SPATA31G1: variants seen among roughly 807,000 people sequenced by gnomAD.
SPATA31G1 encodes the protein SPATA31 subfamily G member 1.
the SPATA31G1 span, chr9:35,045,603 T>C: frequency 6.2e-7 from 1 of 1,613,928 alleles, no homozygotes; most frequent in Non-Finnish European, 8.5e-7. Flanking sequence ...TCCCCAAAGG[T>C]CTCAACACAG....
At chr9:35,044,791 T>C in the SPATA31G1 span, 1 of 1,614,194 alleles carries the variant, frequency 6.2e-7, no homozygotes, top group Non-Finnish European at 8.5e-7. Flanking sequence ...CCCAGCCCTC[T>C]GGCAGTGGAT....
chr9:35,045,776 T>C, the SPATA31G1 span: 1 of 1,614,186 alleles, frequency 6.2e-7, no homozygotes. Context: ...TCTCCTTCCC[T>C]ACCCTCAAGG....
At chr9:35,043,753 G>C in the SPATA31G1 span, 1 of 1,614,212 alleles carries the variant, frequency 6.2e-7, no homozygotes, top group Non-Finnish European at 8.5e-7. Context: ...GTGGGATACA[G>C]AGAGAAACCT....
the SPATA31G1 span, chr9:35,043,421 A>T: frequency 6.2e-7 from 1 of 1,614,168 alleles, no homozygotes; most frequent in Non-Finnish European, 8.5e-7. Flanking sequence ...AAGATCTAGA[A>T]GGGATGGCCC....
the SPATA31G1 span, chr9:35,045,028 C>G: frequency 6.8e-6 from 11 of 1,614,104 alleles, no homozygotes; most frequent in Non-Finnish European, 9.3e-6. Context: ...AGCCCTGCCT[C>G]CAGAGCCCCT....
At chr9:35,044,113 A>C in the SPATA31G1 span, 11 of 1,614,044 alleles carry the variant, frequency 6.8e-6, no homozygotes, top group Non-Finnish European at 9.3e-6. Context: ...TCTGAATCCA[A>C]AGCTTTGTGG....
chr9:35,045,634 C>A, the SPATA31G1 span: 1 of 1,614,122 alleles, frequency 6.2e-7, no homozygotes, highest in South Asian at 1.1e-5. Flanking sequence ...TCTCAACACA[C>A]TGCTCTTCCC....
the SPATA31G1 span, chr9:35,043,957 A>C: frequency 6.2e-7 from 1 of 1,613,488 alleles, no homozygotes; most frequent in South Asian, 1.1e-5. Context: ...ACCAGCCCTG[A>C]ATGTGTCCCA....
chr9:35,044,969 C>T, the SPATA31G1 span: 1 of 1,614,176 alleles, frequency 6.2e-7, no homozygotes, highest in South Asian at 1.1e-5. Context: ...GGATCCATGC[C>T]TGGCAGTGGA....
chr9:35,042,163 G>A, the SPATA31G1 span: 1 of 1,492,862 alleles, frequency 6.7e-7, no homozygotes, highest in East Asian at 2.4e-5. Flanking sequence ...CAGGGAGAAG[G>A]CTGTTAAGCC....
chr9:35,043,368 CA>C, the SPATA31G1 span: 16 of 1,614,074 alleles, frequency 9.9e-6, no homozygotes, highest in Admixed American at 2.7e-4. Context: ...TCCCCAGTAT[CA>C]CTCCTCAGCC....
chr9:35,045,763 A>C, the SPATA31G1 span: 5 of 1,614,078 alleles, frequency 3.1e-6, no homozygotes, highest in Admixed American at 3.3e-5. Context: ...ATGGAGAAGT[A>C]TCTCTCCTTC....
the SPATA31G1 span, chr9:35,042,280 T>A: frequency 1.2e-6 from 2 of 1,614,124 alleles, no homozygotes; most frequent in South Asian, 2.2e-5. Flanking sequence ...GAGGACCTGC[T>A]TGGGGCTAAG....
At chr9:35,044,046 A>G in the SPATA31G1 span, 1 of 1,613,964 alleles carries the variant, frequency 6.2e-7, no homozygotes, top group Non-Finnish European at 8.5e-7. Flanking sequence ...TTCACCTCCC[A>G]GCCTTCCCTC....
At chr9:35,045,311 G>C in the SPATA31G1 span, 1 of 1,614,106 alleles carries the variant, frequency 6.2e-7, no homozygotes. Context: ...AGGGGAAGAT[G>C]GTGAGCCAGG....
the SPATA31G1 span, chr9:35,042,492 G>T: frequency 6.2e-7 from 1 of 1,614,112 alleles, no homozygotes; most frequent in South Asian, 1.1e-5. Context: ...CAAGGTGGGT[G>T]ACCTGTGACT....
chr9:35,043,783 T>G, the SPATA31G1 span: 1 of 1,614,152 alleles, frequency 6.2e-7, no homozygotes, highest in Non-Finnish European at 8.5e-7. Flanking sequence ...GAGTCTTCAA[T>G]GCCAGTCCCT....
chr9:35,045,017 G>A, the SPATA31G1 span: 1 of 1,614,094 alleles, frequency 6.2e-7, no homozygotes, highest in Non-Finnish European at 8.5e-7. Context: ...AACTGCGGCA[G>A]AGCCCTGCCT....
the SPATA31G1 span, chr9:35,044,403 C>T: frequency 7.4e-6 from 12 of 1,614,018 alleles, no homozygotes; most frequent in Non-Finnish European, 1.0e-5. Flanking sequence ...TGGGGACATA[C>T]AAAAGACAAA....
Sources: gnomAD v4.1 joint callset for allele counts on GRCh38, gnomAD v4.1.1 for gene constraint, MANE v1.5 for transcripts, NCBI Gene and HGNC (gene_info 2026-07-23, HGNC 2026-07-21) for gene names.